MYT1L: variants seen among roughly 807,000 people sequenced by gnomAD.
MYT1L encodes myelin transcription factor 1-like protein.
In MYT1L, 12 loss-of-function variants were observed where a neutral mutation model predicts 126.7. The observed-to-expected ratio is 0.09, with a 90% CI of 0.06 to 0.15. MYT1L has a LOEUF of 0.15. Ranked by LOEUF, MYT1L falls within the 10% of genes least tolerant of loss-of-function variation. The pLI is 1.00. For synonymous variants in MYT1L, 541 were observed against 604.2 expected (o/e 0.90, Z 1.53); for missense variants, 979 against 1,585.2 (o/e 0.62, Z 6.49).
At chr2:2,282,932 A>C (rs1024102239) in intron 2 of MYT1L, among the ~76,000 whole-genome samples, 15 of 152,148 alleles carry the variant, frequency 9.9e-5, no homozygotes, top group Admixed American at 7.2e-4. Context: ...AAAATTAGCC[A>C]GGTGTGGTGG....
chr2:2,191,016 C>G (rs1211880555), intron 2 of MYT1L, among the ~76,000 whole-genome samples: 1 of 152,216 alleles, frequency 6.6e-6, no homozygotes, highest in Non-Finnish European at 1.5e-5. Flanking sequence ...AACTCCCAAC[C>G]TCAGGTGATC....
In MYT1L at chr2:1,867,108, G is replaced by C. The variant is rs1224951825; in HGVS notation, c.2712-15405C>G. On this transcript the variant is annotated intron_variant, in intron 18 of 24. Coordinates refer to ENST00000647738, the MANE Select transcript of MYT1L (RefSeq NM_001303052.2). Reference sequence around the variant, plus strand: ...AGAGAGAGAGAAAGAGAGACGGAGGGAGAGAGACAGAGTCTTGCTCACAGC... The same window carrying C: ...AGAGAGAGAGAAAGAGAGACGGAGGCAGAGAGACAGAGTCTTGCTCACAGC... 2.6e-5 allele frequency among the ~76,000 whole-genome samples: 4 copies of C among 152,016 alleles called. No homozygotes were observed. In the South Asian group the frequency reaches 8.3e-4, roughly 32 times the overall value.
At chr2:2,330,113 T>C (rs1180272778) in intron 1 of MYT1L, among the ~76,000 whole-genome samples, 1 of 152,090 alleles carries the variant, frequency 6.6e-6, no homozygotes, top group Non-Finnish European at 1.5e-5. Context: ...AAGACCCTCA[T>C]ATGCCAGTAA....
At chr2:2,314,170 T>C (rs2096023290) in intron 1 of MYT1L, among the ~76,000 whole-genome samples, 1 of 152,200 alleles carries the variant, frequency 6.6e-6, no homozygotes, top group Admixed American at 6.5e-5. Context: ...TATGTTCAGA[T>C]CATAGAATGA....
Position 2,206,215 on chromosome 2 carries a change from T to A in MYT1L, c.-420-33227A>T, listed in dbSNP as rs13010754. 2.6e-5 allele frequency among the ~76,000 whole-genome samples: 4 copies of A among 152,144 alleles called. No individual in the cohort carries two copies. The East Asian group carries it at 5.8e-4, about 22-fold the overall frequency. ...CTGGTTTCGAACTCCCGATCTCAGATGATCCACTGGCCTCTGCCTCCCAAA... is the reference window on the plus strand; with the variant it reads ...CTGGTTTCGAACTCCCGATCTCAGAAGATCCACTGGCCTCTGCCTCCCAAA... On this transcript the variant is annotated intron_variant, in intron 2 of 24. Transcript: ENST00000647738.
intron 2 of MYT1L, among the ~76,000 whole-genome samples, chr2:2,266,996 C>A (rs1260634193): frequency 1.3e-5 from 2 of 152,190 alleles, no homozygotes; most frequent in Non-Finnish European, 1.5e-5. Context: ...ATACAGCCAG[C>A]AAGCTAAGGA....
Position 2,118,047 on chromosome 2 carries a change from C to T in MYT1L, c.-304+54825G>A, listed in dbSNP as rs181685608. ...TATAATGGATATATTTGCTAGTTGT[C>T]AGGGTTTTATTCTATATTTATATTC... On this transcript the variant is annotated intron_variant, in intron 3 of 24. Coordinates refer to ENST00000647738, the MANE Select transcript of MYT1L (RefSeq NM_001303052.2). Among the ~76,000 whole-genome samples, 740 of 150,820 alleles carry T rather than the reference C, an allele frequency of 4.9e-3. 5 individuals are homozygous for T. Among genetic ancestry groups the T allele is most frequent in the African/African-American group, 0.017 (716 of 41,226 alleles).
chr2:2,313,437 T>C (rs2096008730), intron 1 of MYT1L, among the ~76,000 whole-genome samples: 1 of 152,098 alleles, frequency 6.6e-6, no homozygotes, highest in South Asian at 2.1e-4. Flanking sequence ...CTGGTTAATT[T>C]AAGTGGGATC....
chr2:2,245,792 T>A (rs948424160), intron 2 of MYT1L, among the ~76,000 whole-genome samples: 6 of 152,146 alleles, frequency 3.9e-5, no homozygotes, highest in Admixed American at 3.9e-4. Flanking sequence ...CCTCCATAAT[T>A]CTGATCCATT....
chr2:2,128,782 A>C (rs2082016703), intron 3 of MYT1L, among the ~76,000 whole-genome samples: 1 of 152,200 alleles, frequency 6.6e-6, no homozygotes, highest in African/African-American at 2.4e-5. Flanking sequence ...TTAAATGGAG[A>C]AATGTTAATA....
chr2:2,305,711 T>C (rs1196482004), intron 1 of MYT1L, among the ~76,000 whole-genome samples: 3 of 152,016 alleles, frequency 2.0e-5, no homozygotes, highest in African/African-American at 7.2e-5. Context: ...ACTATCATGG[T>C]GGAAGAGTGA....
At chr2:1,900,330 C>T (rs145771393) in intron 14 of MYT1L, among the ~76,000 whole-genome samples, 3 of 151,478 alleles carry the variant, frequency 2.0e-5, no homozygotes, top group South Asian at 2.1e-4. Context: ...GATGGAGTCT[C>T]GCTCTGTTGC....
chr2:2,310,121 A>T (rs1441543472), intron 1 of MYT1L, among the ~76,000 whole-genome samples: 1 of 151,686 alleles, frequency 6.6e-6, no homozygotes, highest in African/African-American at 2.4e-5. Context: ...CTCTATCTAT[A>T]TTCCACTTAC....
intron 3 of MYT1L, among the ~76,000 whole-genome samples, chr2:2,135,578 AGTAT>A (rs2082940985): frequency 6.6e-6 from 1 of 152,224 alleles, no homozygotes; most frequent in Non-Finnish European, 1.5e-5. Context: ...CATGTTCTGA[AGTAT>A]GTTTGTTGAT....
At chr2:1,856,616 T>C (rs2043955076) in intron 18 of MYT1L, among the ~76,000 whole-genome samples, 1 of 152,206 alleles carries the variant, frequency 6.6e-6, no homozygotes, top group African/African-American at 2.4e-5. Context: ...CGACTGAGGC[T>C]GTATTGTAGC....
At chr2:2,301,322 G>A (rs992651089) in intron 1 of MYT1L, among the ~76,000 whole-genome samples, 6 of 152,064 alleles carry the variant, frequency 3.9e-5, no homozygotes, top group African/African-American at 1.2e-4. Flanking sequence ...AAACAGACAT[G>A]GTGAAAACTC....
chr2:2,057,447 C>A (rs369206468), intron 3 of MYT1L, among the ~76,000 whole-genome samples: 3 of 151,906 alleles, frequency 2.0e-5, no homozygotes, highest in East Asian at 3.9e-4. Flanking sequence ...CCTTTCATAA[C>A]CATGACCACC....
At chr2:1,870,559 C>T (rs990264254) in intron 18 of MYT1L, among the ~76,000 whole-genome samples, 1 of 152,102 alleles carries the variant, frequency 6.6e-6, no homozygotes, top group Non-Finnish European at 1.5e-5. Context: ...TGATTTTGGG[C>T]CAAAGACCTC....
intron 3 of MYT1L, among the ~76,000 whole-genome samples, chr2:2,081,083 T>C (rs1416225232): frequency 2.0e-5 from 3 of 152,178 alleles, no homozygotes; most frequent in Non-Finnish European, 2.9e-5. Context: ...AGTTAGAATA[T>C]GGTGATAGCC....
Sources: allele counts gnomAD v4.1 joint callset (sites outside exome capture counted in the v4.1 genomes callset), GRCh38; gene constraint gnomAD v4.1.1; transcripts MANE v1.5; gene names NCBI Gene and HGNC (gene_info 2026-07-23, HGNC 2026-07-21).